MDFIC: variants seen among roughly 807,000 people sequenced by gnomAD.
MDFIC encodes MyoD family inhibitor domain containing, also known as myoD family inhibitor domain-containing protein.
MDFIC carries 17 observed loss-of-function variants against 23.2 expected under a neutral mutation model. The ratio of observed to expected loss-of-function variants is 0.73; its 90% CI spans 0.50 to 1.10. The LOEUF is 1.10. Among genes scored for constraint, MDFIC ranks in the 50% least tolerant of loss-of-function variants. The pLI is 0.00. For missense variants in MDFIC, 356 were observed against 316.6 expected (o/e 1.12, Z -0.95); for synonymous variants, 120 against 115.2 (o/e 1.04, Z -0.27).
chr7:115,010,962 T>A (rs1200698478), intron 4 of MDFIC, among the ~76,000 whole-genome samples: 1 of 152,204 alleles, frequency 6.6e-6, no homozygotes, highest in Non-Finnish European at 1.5e-5. Context: ...AAATTCAGAA[T>A]AATTTTTTAA....
intron 3 of MDFIC, among the ~76,000 whole-genome samples, chr7:114,971,252 A>T (rs1330881742): frequency 2.0e-5 from 3 of 152,104 alleles, no homozygotes; most frequent in Admixed American, 6.6e-5. Flanking sequence ...TTTAATATTA[A>T]CTGCTGATTT....
intron 2 of MDFIC, among the ~76,000 whole-genome samples, chr7:114,929,922 C>A (rs1290135426): frequency 1.3e-5 from 2 of 151,982 alleles, no homozygotes; most frequent in African/African-American, 4.8e-5. Flanking sequence ...GAATATTCCT[C>A]TTTGAGATGG....
chr7:114,990,756 C>A (rs1184999072), intron 4 of MDFIC, among the ~76,000 whole-genome samples: 1 of 152,152 alleles, frequency 6.6e-6, no homozygotes, highest in Non-Finnish European at 1.5e-5. Flanking sequence ...CACTGATGGG[C>A]ATTTGGGTTG....
rs184852155 is a variant in MDFIC at position 114,952,837 on chromosome 7, A to G, written c.217+10440A>G. Among the ~76,000 whole-genome samples, 4 of 152,302 alleles carry G rather than the reference A, an allele frequency of 2.6e-5. No individual in the cohort carries two copies. In the East Asian group the frequency reaches 7.7e-4, roughly 29 times the overall value. On this transcript the variant is annotated intron_variant, in intron 3 of 4. Coordinates refer to ENST00000393486, the MANE Select transcript of MDFIC (RefSeq NM_001166345.3). ...TTTATGAAAAAGATATTAATATATC[A>G]TTTATGTGTAGGCCTGTCTTTGCAG...
At chr7:114,957,058 T>C (rs1283630085) in intron 3 of MDFIC, among the ~76,000 whole-genome samples, 3 of 152,174 alleles carry the variant, frequency 2.0e-5, no homozygotes, top group Non-Finnish European at 4.4e-5. Context: ...TTTTACTCTG[T>C]AACACTTTTA....
chr7:114,979,528 G>A lies in MDFIC; in HGVS notation c.240G>A (p.Gln80=). 1 of 1,613,116 alleles carries A rather than the reference G, an allele frequency of 6.2e-7. No individual in the cohort carries two copies. The highest frequency in any genetic ancestry group is 8.5e-7 in the Non-Finnish European group (1 of 1,179,340). ...LIRTQPQRLP[Q]LQTSAQVPSG... is the part of the protein sequence containing the mutation. ...TAGCCCAACCTCAGCGCTTGCCTCA[G>A]CTTCAGACTTCAGCCCAGGTGCCAA... Residue 80 remains glutamine (Q), a synonymous_variant, in exon 4 of 5, where the codon CAG becomes CAA. Coordinates refer to ENST00000393486, the MANE Select transcript of MDFIC (RefSeq NM_001166345.3).
intron 4 of MDFIC, among the ~76,000 whole-genome samples, chr7:114,998,533 T>C (rs1417046319): frequency 2.0e-5 from 3 of 152,236 alleles, no homozygotes; most frequent in Non-Finnish European, 4.4e-5. Context: ...ATTTACCTTT[T>C]GGAAATCTAG....
intron 3 of MDFIC, among the ~76,000 whole-genome samples, chr7:114,949,750 G>A (rs1261045019): frequency 6.7e-6 from 1 of 150,126 alleles, no homozygotes; most frequent in East Asian, 2.0e-4. Flanking sequence ...CAGTGGGGAA[G>A]TGCAGGCTGT....
At position 114,958,852 on chromosome 7, in the gene MDFIC, C is replaced by T. The variant is rs550451233; in HGVS notation, c.217+16455C>T. 2.6e-5 allele frequency among the ~76,000 whole-genome samples: 4 copies of T among 152,320 alleles called. No individual in the cohort carries two copies. The East Asian group carries it at 7.7e-4, about 29-fold the overall frequency. ...ACTTAGCTAAGGATTCGCCACTCCTCATTTATTATCTTCCTCCGGTTTGCT... is the reference window on the plus strand; with the variant it reads ...ACTTAGCTAAGGATTCGCCACTCCTTATTTATTATCTTCCTCCGGTTTGCT... On this transcript the variant is annotated intron_variant, in intron 3 of 4. Transcript: ENST00000393486.
Position 115,016,016 on chromosome 7 carries a change from T to G in MDFIC, c.*81T>G. 7.2e-7 allele frequency: 1 copy of G among 1,398,384 alleles called. No individual in the cohort carries two copies. Among genetic ancestry groups the G allele is most frequent in the Non-Finnish European group, 9.7e-7 (1 of 1,027,792 alleles). The allele number at this position is 1,398,384 out of a possible 1,614,324, so 86.6% of individuals were successfully genotyped here. On this transcript the variant is annotated 3_prime_UTR_variant, in exon 5 of 5. Coordinates refer to ENST00000393486, the MANE Select transcript of MDFIC (RefSeq NM_001166345.3). The stretch of plus-strand genomic sequence containing the variant: ...GGGGAAGAAAAGCACATTGTAAGAT[T>G]CTCATGAAACAACATGGAATTTGCA...
rs1791848077 is a variant in MDFIC at position 115,018,854 on chromosome 7, T to G, written c.*2919T>G. On this transcript the variant is annotated 3_prime_UTR_variant, in exon 5 of 5. Transcript: ENST00000393486. ...ATCTGAAGGTTATCTTTATCATGTT[T>G]CATCCCTGTCTGAAGATTTCCTAGT... 2 of 152,012 alleles carry G rather than the reference T, an allele frequency of 1.3e-5. No homozygotes were observed. The highest frequency in any genetic ancestry group is 4.1e-4 in the South Asian group (2 of 4,830). 9.4% of individuals were successfully genotyped at this position (152,012 alleles called of 1,614,324 possible).
intron 2 of MDFIC, among the ~76,000 whole-genome samples, chr7:114,939,052 C>T (rs1198459288): frequency 6.6e-6 from 1 of 152,104 alleles, no homozygotes; most frequent in Non-Finnish European, 1.5e-5. Flanking sequence ...ATCAATAAAT[C>T]CTGCTCCCTC....
chr7:114,977,184 T>C (rs1308692229), intron 3 of MDFIC, among the ~76,000 whole-genome samples: 6 of 152,204 alleles, frequency 3.9e-5, no homozygotes, highest in Non-Finnish European at 8.8e-5. Flanking sequence ...TTAAAATGTA[T>C]ATAATGAAGA....
chr7:114,968,067 T>C (rs1793138648), intron 3 of MDFIC, among the ~76,000 whole-genome samples: 1 of 152,160 alleles, frequency 6.6e-6, no homozygotes, highest in South Asian at 2.1e-4. Flanking sequence ...TCCTCCTGCC[T>C]CAGCCTCCCA....
intron 3 of MDFIC, among the ~76,000 whole-genome samples, chr7:114,945,500 G>T (rs962225527): frequency 6.6e-6 from 1 of 152,172 alleles, no homozygotes; most frequent in Non-Finnish European, 1.5e-5. Context: ...AACATTGCAG[G>T]TGGAAGACCT....
intron 3 of MDFIC, among the ~76,000 whole-genome samples, chr7:114,964,680 A>G (rs2115881825): frequency 6.6e-6 from 1 of 152,180 alleles, no homozygotes; most frequent in East Asian, 1.9e-4. Flanking sequence ...CCTCCTGAGT[A>G]GTTGGGATTA....
At chr7:114,995,676 A>G (rs1791309704) in intron 4 of MDFIC, among the ~76,000 whole-genome samples, 1 of 152,222 alleles carries the variant, frequency 6.6e-6, no homozygotes, top group Admixed American at 6.5e-5. Context: ...GCTGAACAGC[A>G]AATGTTGCTG....
At chr7:114,979,162 C>T (rs1793371673) in intron 3 of MDFIC, among the ~76,000 whole-genome samples, 1 of 152,100 alleles carries the variant, frequency 6.6e-6, no homozygotes, top group Non-Finnish European at 1.5e-5. Flanking sequence ...AAAGAGGGCT[C>T]AGCATATAGA....
chr7:114,993,388 T>C (rs568435991), intron 4 of MDFIC, among the ~76,000 whole-genome samples: 11 of 152,336 alleles, frequency 7.2e-5, no homozygotes, highest in Non-Finnish European at 1.3e-4. Context: ...TCTTGCCTTC[T>C]GCTGGCTTTT....
Sources: allele counts gnomAD v4.1 joint callset (sites outside exome capture counted in the v4.1 genomes callset), GRCh38; gene constraint gnomAD v4.1.1; transcripts MANE v1.5; gene names NCBI Gene and HGNC (gene_info 2026-07-23, HGNC 2026-07-21).